Variants in SDK2 observed in about 807,000 individuals in gnomAD.
SDK2 encodes the protein protein sidekick-2.
Under a neutral mutation model 253.9 loss-of-function variants are expected in SDK2, and 105 were observed. The ratio of observed to expected loss-of-function variants is 0.41; its 90% confidence interval spans 0.35 to 0.49. The LOEUF is 0.49. Among genes scored for constraint, SDK2 ranks in the 20% least tolerant of loss-of-function variants. The pLI, the probability that SDK2 is intolerant of heterozygous loss-of-function variation, is 0.06. For synonymous variants in SDK2, 1,249 were observed against 1,234.9 expected (o/e 1.01, Z -0.24); for missense variants, 2,608 against 3,003.0 (o/e 0.87, Z 3.07).
At chr17:73,477,076 T>C (rs904607447) in intron 2 of SDK2, among the ~76,000 whole-genome samples, 1 of 152,166 alleles carries the variant, frequency 6.6e-6, no homozygotes, top group East Asian at 1.9e-4. Flanking sequence ...TCCACCCAAA[T>C]TGCAGCTCTC....
At chr17:73,544,198 C>T (rs186328803) in intron 1 of SDK2, among the ~76,000 whole-genome samples, 2 of 152,226 alleles carry the variant, frequency 1.3e-5, no homozygotes, top group Admixed American at 6.5e-5. Context: ...TAAACTCCCA[C>T]AACAAACTGT....
At chr17:73,409,218 C>T (rs146975182) in intron 18 of SDK2, among the ~76,000 whole-genome samples, 5,346 of 152,142 alleles carry the variant, frequency 0.035, 299 homozygotes, top group African/African-American at 0.12. Context: ...TGGTGGCTCA[C>T]GCCTATAATG....
chr17:73,626,578 C>T (rs1425452836), intron 1 of SDK2, among the ~76,000 whole-genome samples: 2 of 152,252 alleles, frequency 1.3e-5, no homozygotes, highest in Non-Finnish European at 2.9e-5. Context: ...TCCCCCACCA[C>T]TGGTTACTCA....
At chr17:73,409,089 C>A (rs2063104718) in intron 18 of SDK2, among the ~76,000 whole-genome samples, 1 of 152,120 alleles carries the variant, frequency 6.6e-6, no homozygotes, top group Admixed American at 6.5e-5. Context: ...TGGAACATAC[C>A]TGGCTGGGAG....
At position 73,435,695 on chromosome 17, in the gene SDK2, G is replaced by A. The variant is rs553441330; in HGVS notation, c.1001-51C>T. 9.5e-5 allele frequency: 139 copies of A among 1,465,618 alleles called. 4 individuals carry two copies. In the South Asian group the frequency reaches 1.2e-3, roughly 13 times the overall value. The allele number at this position is 1,465,618 out of a possible 1,614,324, so 90.8% of individuals were successfully genotyped here. ...TCAACCTGCCTCCTGCCTCCTCTCC[G>A]CCTAGGAGGGGTGCTTGGGAGGAGG... On this transcript the variant is annotated intron_variant, in intron 8 of 44. Coordinates refer to ENST00000392650, the MANE Select transcript of SDK2 (RefSeq NM_001144952.2). The surrounding 1 kb of genome is among the most constrained non-coding windows in gnomAD (Gnocchi z 5.7).
At chr17:73,483,696 T>C (rs1208404739) in intron 2 of SDK2, among the ~76,000 whole-genome samples, 1 of 81,488 alleles carries the variant, frequency 1.2e-5, no homozygotes, top group Non-Finnish European at 2.3e-5. Context: ...TATATATATA[T>C]ATATATATAT....
rs75353780 is a variant in SDK2 at position 73,441,071 on chromosome 17, A to G, written c.614-148T>C. On this transcript the variant is annotated intron_variant, in intron 5 of 44. Coordinates refer to ENST00000392650, the MANE Select transcript of SDK2 (RefSeq NM_001144952.2). ...GCAGCCCCAGAGCAGACCTCCAGAC[A>G]CTGACCCCAGGGACTACCTGATCCC... 8.2e-3 allele frequency: 5,050 copies of G among 613,252 alleles called. 204 individuals are homozygous for G. In the African/African-American group the frequency reaches 0.085, roughly 10 times the overall value. 38.0% of individuals were successfully genotyped at this position (613,252 alleles called of 1,614,324 possible). A position where few individuals can be genotyped will look rare whatever the true frequency, so the allele number is the denominator to read the frequency against.
chr17:73,400,184 A>G (rs1793883330), intron 21 of SDK2, among the ~76,000 whole-genome samples: 1 of 152,144 alleles, frequency 6.6e-6, no homozygotes, highest in Non-Finnish European at 1.5e-5. Flanking sequence ...TCCCATATAT[A>G]CAGATGGGGA....
At chr17:73,410,997 A>G (rs990236035) in intron 18 of SDK2, among the ~76,000 whole-genome samples, 2 of 152,242 alleles carry the variant, frequency 1.3e-5, no homozygotes, top group African/African-American at 2.4e-5. Context: ...TAGAATTGGT[A>G]GCAAGAAGCT....
intron 2 of SDK2, among the ~76,000 whole-genome samples, chr17:73,479,329 ATG>A (rs1203015214): frequency 1.3e-5 from 2 of 152,184 alleles, no homozygotes; most frequent in Non-Finnish European, 2.9e-5. Flanking sequence ...AGTGCTGAGC[ATG>A]TGCATGTCTG....
intron 1 of SDK2, among the ~76,000 whole-genome samples, chr17:73,587,755 G>A: frequency 6.6e-6 from 1 of 152,206 alleles, no homozygotes; most frequent in Non-Finnish European, 1.5e-5. Context: ...CGCTTCTCTG[G>A]ATCTGGCTCA....
intron 1 of SDK2, among the ~76,000 whole-genome samples, chr17:73,562,895 G>A (rs568771622): frequency 6.6e-6 from 1 of 152,326 alleles, no homozygotes; most frequent in East Asian, 1.9e-4. Flanking sequence ...TTTGATGATG[G>A]GTAAATTGAG....
chr17:73,507,304 C>T (rs964692151), intron 2 of SDK2, 134 bp downstream of exon 2: 1 of 953,582 alleles, frequency 1.0e-6, no homozygotes, highest in African/African-American at 1.7e-5. Context: ...GCCTTTGCCA[C>T]TCACTTCCAG....
intron 26 of SDK2, 128 bp from the exon 27 acceptor site, chr17:73,393,877 ACC>A: frequency 1.1e-5 from 8 of 712,180 alleles, no homozygotes; most frequent in Non-Finnish European, 1.3e-5. Flanking sequence ...CCAGGGCTGG[ACC>A]ATGTGGCTAG....
At position 73,366,984 on chromosome 17, in the gene SDK2, T is replaced by C. The variant is rs967398247; in HGVS notation, c.5167+1423A>G. Among the ~76,000 whole-genome samples, 16 of 152,160 alleles carry C rather than the reference T, an allele frequency of 1.1e-4. No homozygotes were observed. The East Asian group carries it at 3.1e-3, about 29-fold the overall frequency. ...TTGCTCAACTGCTCAAGCCCTCCCA[T>C]GGCTTCCCAGCATACTTTTTAAATT... is the stretch of plus-strand genomic sequence containing the variant. On this transcript the variant is annotated intron_variant, in intron 37 of 44. Coordinates refer to ENST00000392650, the MANE Select transcript of SDK2 (RefSeq NM_001144952.2).
chr17:73,521,399 T>C (rs1274193386), intron 1 of SDK2: 1 of 152,068 alleles, frequency 6.6e-6, no homozygotes, highest in African/African-American at 2.4e-5. Context: ...ATAAAAAACA[T>C]ACAATGGGTG....
intron 40 of SDK2, among the ~76,000 whole-genome samples, chr17:73,355,174 A>ATATATATATATATATATATAT: frequency 2.3e-3 from 107 of 47,194 alleles, no homozygotes; most frequent in South Asian, 5.4e-3. Context: ...ATATATATAT[A>ATATATATATATATATATATAT]TTTTTTTTTT....
intron 1 of SDK2, among the ~76,000 whole-genome samples, chr17:73,569,920 G>C (rs1282719100): frequency 1.3e-5 from 2 of 152,136 alleles, no homozygotes; most frequent in African/African-American, 4.8e-5. Context: ...GAAGATATGG[G>C]GGTGATAAAA....
chr17:73,488,162 C>G (rs1033721045), intron 2 of SDK2, among the ~76,000 whole-genome samples: 1 of 152,140 alleles, frequency 6.6e-6, no homozygotes, highest in Admixed American at 6.5e-5. Flanking sequence ...ACTACAGGCG[C>G]CTGCCACCAC....
Sources: allele counts gnomAD v4.1 joint callset (sites outside exome capture counted in the v4.1 genomes callset), GRCh38; gene constraint gnomAD v4.1.1; non-coding constraint Gnocchi (gnomAD v3.1); transcripts MANE v1.5; gene names NCBI Gene and HGNC (gene_info 2026-07-23, HGNC 2026-07-21).